Variants in FCRL4 observed in about 807,000 individuals in gnomAD.
FCRL4 encodes Fc receptor-like protein 4.
A neutral mutation model predicts 64.1 loss-of-function variants in FCRL4; 43 were observed. The ratio of observed to expected loss-of-function variants is 0.67; its 90% CI spans 0.53 to 0.87. The LOEUF (loss-of-function observed/expected upper bound fraction) is 0.87. FCRL4 is among the 40% of genes least tolerant of loss of function. The pLI, the probability that FCRL4 is intolerant of heterozygous loss-of-function variation, is 0.00. For synonymous variants in FCRL4, 253 were observed against 239.8 expected, an observed-to-expected ratio of 1.05 and a Z score of -0.51; for missense variants, 656 against 613.5, an observed-to-expected ratio of 1.07 and a Z score of -0.73.
chr1:157,595,610 A>T (rs577107710), intron 2 of FCRL4, among the ~76,000 whole-genome samples: 1 of 152,328 alleles, frequency 6.6e-6, no homozygotes, highest in East Asian at 1.9e-4. Flanking sequence ...ACCATTAGCA[A>T]AGTCTGCCAA....
intron 7 of FCRL4, 29 bp from the exon 8 acceptor site, chr1:157,580,377 G>A: frequency 6.2e-7 from 1 of 1,613,942 alleles, no homozygotes; most frequent in South Asian, 1.1e-5. Context: ...ACGCATTTTT[G>A]TCAGCAGAGG....
chr1:157,587,246 A>G, intron 5 of FCRL4, 30 bp downstream of exon 5: 1 of 1,605,822 alleles, frequency 6.2e-7, no homozygotes, highest in Non-Finnish European at 8.5e-7. Context: ...AGAGAGAGGC[A>G]GGGAAGATGC....
At chr1:157,591,718 T>C (rs757727796) in intron 2 of FCRL4, among the ~76,000 whole-genome samples, 1 of 152,166 alleles carries the variant, frequency 6.6e-6, no homozygotes, top group Non-Finnish European at 1.5e-5. Context: ...CATTTGTGGA[T>C]AGAAACTGAA....
intron 2 of FCRL4, among the ~76,000 whole-genome samples, chr1:157,593,613 A>G (rs145803975): frequency 6.6e-6 from 1 of 151,932 alleles, no homozygotes; most frequent in Non-Finnish European, 1.5e-5. Flanking sequence ...TTCCTTTCTG[A>G]CTTTGCAGCT....
At chr1:157,593,496 T>G (rs1190737309) in intron 2 of FCRL4, among the ~76,000 whole-genome samples, 1 of 152,184 alleles carries the variant, frequency 6.6e-6, no homozygotes, top group African/African-American at 2.4e-5. Flanking sequence ...GATGAACTAG[T>G]AGAAGAAAAG....
At chr1:157,595,605 T>C (rs1321785610) in intron 2 of FCRL4, among the ~76,000 whole-genome samples, 2 of 152,222 alleles carry the variant, frequency 1.3e-5, no homozygotes, top group Non-Finnish European at 2.9e-5. Context: ...CTAGAACCAT[T>C]AGCAAAGTCT....
intron 10 of FCRL4, among the ~76,000 whole-genome samples, chr1:157,578,120 T>C (rs368339528): frequency 6.6e-6 from 1 of 152,188 alleles, no homozygotes; most frequent in Non-Finnish European, 1.5e-5. Context: ...TGTATACATA[T>C]ATATATGTAT....
At chr1:157,587,186 T>G in intron 5 of FCRL4, 90 bp downstream of exon 5, 1 of 1,465,116 alleles carries the variant, frequency 6.8e-7, no homozygotes, top group Non-Finnish European at 9.3e-7. Context: ...GTCAGGATGA[T>G]AAAACCCATC....
At chr1:157,593,051 A>G (rs1215378338) in intron 2 of FCRL4, among the ~76,000 whole-genome samples, 1 of 152,226 alleles carries the variant, frequency 6.6e-6, no homozygotes, top group Non-Finnish European at 1.5e-5. Context: ...ACACATGGAC[A>G]CAGGGCAGGG....
chr1:157,591,435 G>A (rs1180639414), intron 2 of FCRL4, among the ~76,000 whole-genome samples: 1 of 152,186 alleles, frequency 6.6e-6, no homozygotes, highest in East Asian at 1.9e-4. Flanking sequence ...GCATGAGCAT[G>A]TGGTGGGACA....
At chr1:157,589,569 C>G (rs1652789157) in intron 2 of FCRL4, 111 bp from the exon 3 acceptor site, 2 of 1,354,282 alleles carry the variant, frequency 1.5e-6, no homozygotes, top group Admixed American at 4.3e-5. Flanking sequence ...TAAGATGCCC[C>G]CGGATGACTT....
chr1:157,585,340 CTCTCTCTTTCTT>C (rs1558154941), intron 6 of FCRL4, among the ~76,000 whole-genome samples: 4 of 99,506 alleles, frequency 4.0e-5, no homozygotes, highest in Non-Finnish European at 8.1e-5. Flanking sequence ...CTTTCTTTCT[CTCTCTCTTTCTT>C]TCTTTCTTTC....
chr1:157,584,044 TCC>T, intron 6 of FCRL4, among the ~76,000 whole-genome samples: 1 of 152,308 alleles, frequency 6.6e-6, no homozygotes, highest in South Asian at 2.1e-4. Context: ...GAGAAGCTGA[TCC>T]ATTCTGATGA....
In FCRL4 at chr1:157,586,577, G is replaced by C. The variant is rs563057315; in HGVS notation, c.848-122C>G. The C allele has an allele frequency of 5.1e-4, 419 of 813,740 alleles. 3 individuals carry two copies. The highest frequency in any genetic ancestry group is 2.2e-3 in the South Asian group (127 of 57,264). 50.4% of individuals were successfully genotyped at this position (813,740 alleles called of 1,614,324 possible). A position where few individuals can be genotyped will look rare whatever the true frequency, so the allele number is the denominator to read the frequency against. ...AAGATATACTCTTCAGCAGGCACTA[G>C]CATTGTGGCCAATAGACCACAGATT... On this transcript the variant is annotated intron_variant, in intron 5 of 11. Coordinates refer to ENST00000271532, the MANE Select transcript of FCRL4 (RefSeq NM_031282.3).
chr1:157,581,148 C>A (rs894590206), intron 7 of FCRL4, among the ~76,000 whole-genome samples: 4 of 152,222 alleles, frequency 2.6e-5, no homozygotes, highest in Non-Finnish European at 5.9e-5. Flanking sequence ...TCTGCAGAGC[C>A]TTTAGTTCAT....
At chr1:157,590,292 C>T (rs775896334) in intron 2 of FCRL4, among the ~76,000 whole-genome samples, 11 of 151,950 alleles carry the variant, frequency 7.2e-5, no homozygotes, top group East Asian at 1.9e-4. Flanking sequence ...TTGGAACATA[C>T]GCATAAACCA....
intron 2 of FCRL4, among the ~76,000 whole-genome samples, chr1:157,591,079 T>C (rs527954168): frequency 1.3e-5 from 2 of 152,324 alleles, no homozygotes; most frequent in South Asian, 2.1e-4. Flanking sequence ...GGTAACTCTT[T>C]TGAAGGGCAA....
chr1:157,591,202 T>C (rs1157684446), intron 2 of FCRL4, among the ~76,000 whole-genome samples: 1 of 152,216 alleles, frequency 6.6e-6, no homozygotes, highest in Non-Finnish European at 1.5e-5. Context: ...GTTACACCCG[T>C]CAGTCTTCTT....
chr1:157,597,844 G>C, intron 1 of FCRL4, 70 bp downstream of exon 1: 1 of 1,291,218 alleles, frequency 7.7e-7, no homozygotes, highest in Admixed American at 1.9e-5. Flanking sequence ...TGCAGCAGCA[G>C]AAAAGAGGGC....
Sources: allele counts gnomAD v4.1 joint callset (sites outside exome capture counted in the v4.1 genomes callset), GRCh38; gene constraint gnomAD v4.1.1; transcripts MANE v1.5; gene names NCBI Gene and HGNC (gene_info 2026-07-23, HGNC 2026-07-21).